THADA: variants seen among roughly 807,000 people sequenced by gnomAD.
THADA encodes the protein THADA armadillo repeat containing.
In THADA, 213 loss-of-function variants were observed where a neutral mutation model predicts 219.8. The ratio of observed to expected loss-of-function variants is 0.97; its 90% CI spans 0.87 to 1.09. THADA has a LOEUF of 1.09. THADA is among the 50% of genes least tolerant of loss of function. The probability of loss-of-function intolerance (pLI) is 0.00; values close to 1 mark genes in which losing one functional copy is unlikely to be tolerated. For synonymous variants in THADA, 1,018 were observed against 828.9 expected (o/e 1.23, Z -3.92); for missense variants, 2,956 against 2,311.3 (o/e 1.28, Z -5.72).
chr2:43,463,884 T>C (rs557419828), intron 26 of THADA, among the ~76,000 whole-genome samples: 168 of 152,332 alleles, frequency 1.1e-3, no homozygotes, highest in Non-Finnish European at 1.3e-3. Flanking sequence ...CATGTGCTCC[T>C]TGAATTGCTT....
At chr2:43,499,052 A>G in intron 24 of THADA, 97 bp from the exon 25 acceptor site, 1 of 1,278,578 alleles carries the variant, frequency 7.8e-7, no homozygotes, top group Non-Finnish European at 1.0e-6. Flanking sequence ...CAAAAAATTT[A>G]CTGAATTACA....
chr2:43,392,299 G>A (rs1237437443), intron 29 of THADA, among the ~76,000 whole-genome samples: 5 of 152,134 alleles, frequency 3.3e-5, no homozygotes, highest in African/African-American at 4.8e-5. Context: ...AAGTTTTGAT[G>A]TAACAGTAAT....
At position 43,573,005 on chromosome 2, in the gene THADA, T is replaced by C. The variant is rs1699469911; in HGVS notation, c.1730-13A>G. The C allele has an allele frequency of 6.2e-7, 1 of 1,611,146 alleles. No individual in the cohort carries two copies. Among genetic ancestry groups the C allele is most frequent in the Admixed American group, 1.7e-5 (1 of 59,360 alleles). ...GATTGCTCTTGTCCTGAAAGCACAATAACAAAGACCATTACTGTATTATGC... is the reference window on the plus strand; with the variant it reads ...GATTGCTCTTGTCCTGAAAGCACAACAACAAAGACCATTACTGTATTATGC... On this transcript the variant is annotated splice_polypyrimidine_tract_variant and intron_variant, in intron 11 of 37. Transcript: ENST00000405975.
intron 31 of THADA, among the ~76,000 whole-genome samples, chr2:43,294,234 T>C (rs1675091886): frequency 6.6e-6 from 1 of 152,234 alleles, no homozygotes; most frequent in African/African-American, 2.4e-5. Flanking sequence ...AAAAACTTAT[T>C]GCCTGCTTAC....
At position 43,575,265 on chromosome 2, in the gene THADA, A is replaced by G. The variant is rs184858989; in HGVS notation, c.1038-238T>C. Among the ~76,000 whole-genome samples the G allele has an allele frequency of 4.1e-4, 62 of 152,324 alleles. 1 individual carries two copies. In the East Asian group the frequency reaches 0.011, roughly 27 times the overall value. ...GCAGTTCAAGATCAGCCTAGGCAAT[A>G]TAGTGAAACCCCATCTCTATAAAAA... On this transcript the variant is annotated intron_variant, in intron 10 of 37. Transcript: ENST00000405975.
chr2:43,363,641 A>G (rs151109567), intron 29 of THADA, among the ~76,000 whole-genome samples: 53 of 152,344 alleles, frequency 3.5e-4, no homozygotes, highest in African/African-American at 1.2e-3. Flanking sequence ...AAATGGAAAG[A>G]CTGAGTTCAG....
chr2:43,311,513 G>A (rs1056411127), intron 31 of THADA, among the ~76,000 whole-genome samples: 1 of 152,148 alleles, frequency 6.6e-6, no homozygotes, highest in Non-Finnish European at 1.5e-5. Flanking sequence ...TCCACTTCTA[G>A]GTAAATACCC....
chr2:43,474,060 T>C (rs1445434101), intron 26 of THADA, among the ~76,000 whole-genome samples: 1 of 152,202 alleles, frequency 6.6e-6, no homozygotes, highest in Non-Finnish European at 1.5e-5. Flanking sequence ...TCGTCATATA[T>C]GTGGTCTGTC....
At chr2:43,232,454 A>G (rs1667551651) in intron 37 of THADA, among the ~76,000 whole-genome samples, 1 of 151,882 alleles carries the variant, frequency 6.6e-6, no homozygotes, top group Admixed American at 6.6e-5. Context: ...CTGGGATTAC[A>G]AGCATGAGCC....
chr2:43,490,192 T>C (rs1348435043), intron 25 of THADA, among the ~76,000 whole-genome samples: 3 of 152,234 alleles, frequency 2.0e-5, no homozygotes, highest in African/African-American at 7.2e-5. Flanking sequence ...TGATGACCTT[T>C]TGTCCTGAAA....
intron 4 of THADA, among the ~76,000 whole-genome samples, chr2:43,588,826 T>C (rs1701261429): frequency 6.6e-6 from 1 of 152,118 alleles, no homozygotes. Context: ...TTGGAATTTA[T>C]CTCAGAGAAA....
intron 26 of THADA, among the ~76,000 whole-genome samples, chr2:43,440,107 T>A (rs766524608): frequency 1.3e-5 from 2 of 152,212 alleles, no homozygotes; most frequent in Admixed American, 6.5e-5. Flanking sequence ...TAGAACTGTG[T>A]AATAGCATTT....
intron 29 of THADA, among the ~76,000 whole-genome samples, chr2:43,351,542 T>C (rs938672254): frequency 1.3e-5 from 2 of 152,228 alleles, no homozygotes; most frequent in Admixed American, 6.5e-5. Flanking sequence ...TCTTCAGTGC[T>C]CCAACATCTC....
At position 43,231,018 on chromosome 2, in the gene THADA, A is replaced by C. The variant is rs747427140; in HGVS notation, c.5792T>G (p.Val1931Gly). ...TGCATAAGAGTCCCAAACACTGAGAACTAGGGTGTCTTCCCCTTCCTTTCC... is the reference window on the plus strand; with the variant it reads ...TGCATAAGAGTCCCAAACACTGAGACCTAGGGTGTCTTCCCCTTCCTTTCC... ...LEGKEGEDTL[V>G]LSVWDSYAES... The change falls in exon 38 of 38, where the codon GTT becomes GGT. Residue 1931 changes from valine to glycine, a missense_variant. Physicochemically the swap from Val to Gly is moderately radical, Grantham distance 109 (BLOSUM62 -3). Transcript: ENST00000405975. The C allele has an allele frequency of 6.2e-7, 1 of 1,613,830 alleles. No individual in the cohort carries two copies. The highest frequency in any genetic ancestry group is 1.3e-5 in the African/African-American group (1 of 74,914).
chr2:43,486,870 C>T (rs1308987261), intron 25 of THADA, among the ~76,000 whole-genome samples: 1 of 152,124 alleles, frequency 6.6e-6, no homozygotes, highest in Admixed American at 6.6e-5. Context: ...CCATGAAAGC[C>T]AAATAAAACA....
At chr2:43,353,584 A>G (rs971889251) in intron 29 of THADA, among the ~76,000 whole-genome samples, 11 of 152,204 alleles carry the variant, frequency 7.2e-5, no homozygotes, top group Non-Finnish European at 1.0e-4. Flanking sequence ...TAAATCTTAG[A>G]TAATAACCCC....
chr2:43,507,527 A>G (rs2105092500), intron 23 of THADA, among the ~76,000 whole-genome samples: 1 of 152,334 alleles, frequency 6.6e-6, no homozygotes, highest in Admixed American at 6.5e-5. Context: ...TCTGAAGGTC[A>G]CCAAAATCCA....
intron 20 of THADA, among the ~76,000 whole-genome samples, chr2:43,548,348 G>C (rs368819280): frequency 1.3e-5 from 2 of 152,208 alleles, no homozygotes; most frequent in Non-Finnish European, 2.9e-5. Context: ...CAGTCTGCCC[G>C]TTCTCAGATC....
chr2:43,475,595 C>A (rs752278789), intron 26 of THADA, among the ~76,000 whole-genome samples: 5 of 152,064 alleles, frequency 3.3e-5, no homozygotes, highest in African/African-American at 9.7e-5. Context: ...TAGCTCTGAA[C>A]CAGGGAGACA....
Sources: gnomAD v4.1 joint callset for allele counts (sites outside exome capture counted in the v4.1 genomes callset) on GRCh38, gnomAD v4.1.1 for gene constraint, MANE v1.5 for transcripts, NCBI Gene and HGNC (gene_info 2026-07-23, HGNC 2026-07-21) for gene names.